The following TRIM5 variants were observed in gnomAD, a reference collection of about 807,000 sequenced individuals.
TRIM5 encodes the protein tripartite motif containing 5.
In TRIM5, 31 loss-of-function variants were observed where a neutral mutation model predicts 35.6. The observed-to-expected ratio is 0.87, with a 90% CI of 0.65 to 1.18. The LOEUF (loss-of-function observed/expected upper bound fraction) is 1.18, where lower values mean the gene tolerates loss of function less well. Among genes scored for constraint, TRIM5 ranks in the 50% most tolerant of loss-of-function variants. The pLI is 0.00. For missense variants in TRIM5, 609 were observed against 591.6 expected (o/e 1.03, Z -0.31); for synonymous variants, 243 against 215.6 (o/e 1.13, Z -1.11).
At chr11:5,679,455 A>C (rs1852255909) in intron 2 of TRIM5, among the ~76,000 whole-genome samples, 1 of 151,076 alleles carries the variant, frequency 6.6e-6, no homozygotes, top group Non-Finnish European at 1.5e-5. Flanking sequence ...ATCTCAACCC[A>C]CTCCTGTTAC....
chr11:5,633,726 G>T, the TRIM5 span: 1 of 1,427,790 alleles, frequency 7.0e-7, no homozygotes, highest in African/African-American at 1.4e-5. Context: ...GGATCAACTT[G>T]ATTTTTTCCC....
the TRIM5 span, chr11:5,610,833 C>A: frequency 1.2e-6 from 2 of 1,614,132 alleles, no homozygotes; most frequent in Non-Finnish European, 1.7e-6. Context: ...GGCTAAAAAC[C>A]GGAGACAAGT....
the TRIM5 span, chr11:5,642,392 T>G: frequency 6.2e-7 from 1 of 1,609,960 alleles, no homozygotes; most frequent in Non-Finnish European, 8.5e-7. Context: ...TCAAAAAATT[T>G]TTTTCATCCC....
At chr11:5,675,207 A>AT (rs1491065091) in intron 4 of TRIM5, among the ~76,000 whole-genome samples, 1 of 124,678 alleles carries the variant, frequency 8.0e-6, no homozygotes, top group Non-Finnish European at 1.6e-5. Flanking sequence ...TTTTTGTATT[A>AT]TTTTTTTTCA....
chr11:5,608,502 A>G, the TRIM5 span: 4 of 1,520,770 alleles, frequency 2.6e-6, no homozygotes, highest in Non-Finnish European at 3.6e-6. Flanking sequence ...GATTCAAGAG[A>G]GTAGTCTTGA....
chr11:5,600,804 A>G, the TRIM5 span, among the ~76,000 whole-genome samples: 1 of 152,152 alleles, frequency 6.6e-6, no homozygotes, highest in Non-Finnish European at 1.5e-5. Context: ...CAGCGAGGTC[A>G]CGCCTGGAAC....
chr11:5,627,505 C>A, the TRIM5 span, among the ~76,000 whole-genome samples: 1 of 152,266 alleles, frequency 6.6e-6, no homozygotes, highest in African/African-American at 2.4e-5. Flanking sequence ...AAAAAAAACT[C>A]TTTCAGCATA....
At chr11:5,640,820 T>C in the TRIM5 span, among the ~76,000 whole-genome samples, 3 of 152,212 alleles carry the variant, frequency 2.0e-5, no homozygotes, top group Non-Finnish European at 2.9e-5. Context: ...ACTTAATCTC[T>C]TAACATGTTT....
chr11:5,634,955 T>C, the TRIM5 span: 1 of 1,411,116 alleles, frequency 7.1e-7, no homozygotes, highest in Admixed American at 2.4e-5. Flanking sequence ...GGGGTTTCTT[T>C]GGCCTTGCAG....
the TRIM5 span, among the ~76,000 whole-genome samples, chr11:5,614,862 A>G: frequency 6.6e-6 from 1 of 152,132 alleles, no homozygotes; most frequent in Admixed American, 6.6e-5. Flanking sequence ...ATACATTTTG[A>G]CTTGTGAAAC....
At chr11:5,682,102 T>C (rs1852512073) in intron 1 of TRIM5, among the ~76,000 whole-genome samples, 1 of 152,056 alleles carries the variant, frequency 6.6e-6, no homozygotes, top group Non-Finnish European at 1.5e-5. Flanking sequence ...CGGCTTCAGC[T>C]TTTAATATTT....
In TRIM5 at chr11:5,682,192, C is replaced by T. The variant is rs139328999; in HGVS notation, c.-61-1954G>A. Among the ~76,000 whole-genome samples the T allele has an allele frequency of 6.7e-3, 1,020 of 152,240 alleles. 13 individuals carry two copies. The highest frequency in any genetic ancestry group is 0.024 in the African/African-American group (982 of 41,568). On this transcript the variant is annotated intron_variant, in intron 1 of 7. Transcript: ENST00000380034. The stretch of plus-strand genomic sequence containing the variant: ...GCCAAGGCAGGCGGATCACCTGAGG[C>T]TGGGAGTTCAAGACCAGCCTGGCCA...
chr11:5,676,516 A>C (rs561572807), intron 4 of TRIM5, among the ~76,000 whole-genome samples: 13 of 152,324 alleles, frequency 8.5e-5, no homozygotes, highest in East Asian at 5.8e-4. Flanking sequence ...AATATCGTGA[A>C]AATGGCCATA....
chr11:5,631,731 T>C, the TRIM5 span, among the ~76,000 whole-genome samples: 1 of 152,174 alleles, frequency 6.6e-6, no homozygotes. Flanking sequence ...AATGATAAAG[T>C]TTTAGTCATC....
chr11:5,633,411 C>T, the TRIM5 span, among the ~76,000 whole-genome samples: 1 of 152,090 alleles, frequency 6.6e-6, no homozygotes, highest in South Asian at 2.1e-4. Context: ...AAATTTTTGT[C>T]TTGTTTTTTC....
the TRIM5 span, chr11:5,605,113 G>C: frequency 1.7e-6 from 1 of 587,812 alleles, no homozygotes; most frequent in Non-Finnish European, 3.0e-6. Context: ...TTGATGTCTA[G>C]ATGGCCTAGA....
At chr11:5,683,727 G>C (rs565798211) in intron 1 of TRIM5, among the ~76,000 whole-genome samples, 1 of 152,058 alleles carries the variant, frequency 6.6e-6, no homozygotes, top group East Asian at 1.9e-4. Context: ...GAGAACTTTT[G>C]TGTCTAGCTC....
At chr11:5,670,420 C>T (rs1156727093) in intron 4 of TRIM5, among the ~76,000 whole-genome samples, 1 of 151,844 alleles carries the variant, frequency 6.6e-6, no homozygotes, top group Non-Finnish European at 1.5e-5. Context: ...CCGCCCGCCT[C>T]GGCCTCCCAA....
chr11:5,641,036 C>A, the TRIM5 span: 1 of 1,308,884 alleles, frequency 7.6e-7, no homozygotes, highest in Non-Finnish European at 1.0e-6. Context: ...TAAATGTTTG[C>A]CAATTTTGTT....
Sources: allele counts gnomAD v4.1 joint callset (sites outside exome capture counted in the v4.1 genomes callset), GRCh38; gene constraint gnomAD v4.1.1; transcripts MANE v1.5; gene names NCBI Gene and HGNC (gene_info 2026-07-23, HGNC 2026-07-21).